The following GHRHR variants were observed in gnomAD, a reference collection of about 807,000 sequenced individuals.
GHRHR encodes growth hormone-releasing hormone receptor.
GHRHR carries 40 observed loss-of-function variants against 58.3 expected under a neutral mutation model. The observed-to-expected ratio is 0.69, with a 90% CI of 0.53 to 0.89. The LOEUF (loss-of-function observed/expected upper bound fraction) is 0.89, where lower values mean the gene tolerates loss of function less well. Among genes scored for constraint, GHRHR ranks in the 40% least tolerant of loss-of-function variants. The pLI is 0.00. For synonymous variants in GHRHR, 249 were observed against 216.6 expected, an observed-to-expected ratio of 1.15 and a Z score of -1.31; for missense variants, 551 against 541.3, an observed-to-expected ratio of 1.02 and a Z score of -0.18.
chr7:30,979,380 C>T lies in GHRHR; in HGVS notation c.*136C>T. The T allele has an allele frequency of 1.3e-6, 1 of 794,174 alleles. No individual in the cohort carries two copies. The highest frequency in any genetic ancestry group is 2.1e-6 in the Non-Finnish European group (1 of 475,754). 49.2% of individuals were successfully genotyped at this position (794,174 alleles called of 1,614,324 possible). A position where few individuals can be genotyped will look rare whatever the true frequency, so the allele number is the denominator to read the frequency against. ...CCCGGGGCAGGTGCAGCCCTTCCTC[C>T]CTGTCTCTGCATCTGACTCTCTTTT... On this transcript the variant is annotated 3_prime_UTR_variant, in exon 13 of 13. Transcript: ENST00000326139.
chr7:30,968,708 G>A, intron 1 of GHRHR, 126 bp from the exon 2 acceptor site: 1 of 557,594 alleles, frequency 1.8e-6, no homozygotes, highest in African/African-American at 2.0e-5. Flanking sequence ...ACTGTGAGCA[G>A]GTCTTTGCCT....
intron 6 of GHRHR, among the ~76,000 whole-genome samples, chr7:30,973,327 C>A (rs1792511981): frequency 6.6e-6 from 1 of 152,122 alleles, no homozygotes; most frequent in African/African-American, 2.4e-5. Context: ...CAGTTCACAC[C>A]TTTGTTGTTC....
chr7:30,969,478 C>A, intron 3 of GHRHR: 1 of 594,088 alleles, frequency 1.7e-6, no homozygotes, highest in East Asian at 2.8e-5. Flanking sequence ...GCCTGACTGC[C>A]AAGACACCAC....
In GHRHR at chr7:30,968,640, CCCTTCCTTCCTT is replaced by C. The variant is rs760999972; in HGVS notation, c.58-179_58-168del. Among the ~76,000 whole-genome samples the C allele has an allele frequency of 4.9e-5, 4 of 81,876 alleles. No individual in the cohort carries two copies. In the South Asian group the frequency reaches 1.5e-3, roughly 30 times the overall value. 53.7% of individuals were successfully genotyped at this position (81,876 alleles called of 152,430 possible). A position where few individuals can be genotyped will look rare whatever the true frequency, so the allele number is the denominator to read the frequency against. On this transcript the variant is annotated intron_variant, in intron 1 of 12. Transcript: ENST00000326139. ...TCCCTCCCTCCCTCCCTCCCTCCCT[CCCTTCCTTCCTT>C]CCTTCCTTCCTTCCATCTGAACATC... is the stretch of plus-strand genomic sequence containing the variant.
At chr7:30,974,162 C>A (rs771262179) in intron 7 of GHRHR, 24 bp downstream of exon 7, 4 of 1,610,924 alleles carry the variant, frequency 2.5e-6, no homozygotes, top group Non-Finnish European at 3.4e-6. Context: ...GCGGGTTGGG[C>A]ACCATGGGGA....
At chr7:30,966,029 G>T (rs1204697723) in intron 1 of GHRHR, among the ~76,000 whole-genome samples, 1 of 152,216 alleles carries the variant, frequency 6.6e-6, no homozygotes, top group East Asian at 1.9e-4. Context: ...GCACCCTGGG[G>T]CCTTGCAGGG....
Position 30,974,482 on chromosome 7 carries a change from G to A in GHRHR, c.805G>A (p.Asp269Asn), listed in dbSNP as rs529712059. Residue 269 changes from aspartate (D) to asparagine (N), a missense_variant, in exon 8 of 13, where the codon GAC becomes AAC. Physicochemically the swap from Asp to Asn is conservative, Grantham distance 23. Transcript: ENST00000326139. ...GGTGAGCTGCAAACTGGCCTTCGAG[G>A]ACATCGCGTGAGTCGGAGCGGCCAC... ...TWVSCKLAFE[D>N]IACWDLDDTS... 1 of 1,611,196 alleles carries A rather than the reference G, an allele frequency of 6.2e-7. No individual in the cohort carries two copies. Among genetic ancestry groups the A allele is most frequent in the African/African-American group, 1.3e-5 (1 of 74,986 alleles).
At chr7:30,973,248 A>C (rs1792511217) in intron 6 of GHRHR, among the ~76,000 whole-genome samples, 1 of 152,186 alleles carries the variant, frequency 6.6e-6, no homozygotes, top group Non-Finnish European at 1.5e-5. Context: ...GGGAGGAGGA[A>C]GAGAAGTTGA....
In GHRHR at chr7:30,979,152, C is replaced by G. The variant is rs1213484675; in HGVS notation, c.1180C>G (p.His394Asp). 6.2e-7 allele frequency: 1 copy of G among 1,613,720 alleles called. No homozygotes were observed. Among genetic ancestry groups the G allele is most frequent in the Non-Finnish European group, 8.5e-7 (1 of 1,179,594 alleles). The stretch of plus-strand genomic sequence containing the variant: ...TGAGATCTCACGGAAGTGGCATGGC[C>G]ATGACCCTGAGCTTCTGCCAGCCTG... ...RTEISRKWHGHDPELLPAWRT... is the reference protein window; with the variant it reads ...RTEISRKWHGDDPELLPAWRT... Residue 394 changes from histidine (H) to aspartate (D), a missense_variant, in exon 13 of 13, where the codon CAT becomes GAT. His to Asp is a moderately conservative substitution (Grantham distance 81). Transcript: ENST00000326139.
chr7:30,978,620 C>A (rs904566755), intron 12 of GHRHR, among the ~76,000 whole-genome samples: 13 of 152,186 alleles, frequency 8.5e-5, no homozygotes, highest in African/African-American at 2.9e-4. Context: ...CCCCACCCCC[C>A]AATCCCACCG....
chr7:30,969,437 C>A (rs59765668), intron 3 of GHRHR: 1 of 594,466 alleles, frequency 1.7e-6, no homozygotes, highest in Non-Finnish European at 3.0e-6. Context: ...TTAGCAGAAG[C>A]CTGGCTGCAA....
rs1021458389 is a variant in GHRHR, at chr7:30,979,484, G to C, written c.*240G>C. 12 of 491,668 alleles carry C rather than the reference G, an allele frequency of 2.4e-5. No homozygotes were observed. Among genetic ancestry groups the C allele is most frequent in the African/African-American group, 2.1e-4 (11 of 51,344 alleles). 30.5% of individuals were successfully genotyped at this position (491,668 alleles called of 1,614,324 possible). On this transcript the variant is annotated 3_prime_UTR_variant, in exon 13 of 13. Transcript: ENST00000326139. Reference sequence around the variant, plus strand: ...ATCCATTCCTCTTACTGGGGCCTGGGGCTCTAGCCCAAGGCTCAGAGGAGC... The same window carrying C: ...ATCCATTCCTCTTACTGGGGCCTGGCGCTCTAGCCCAAGGCTCAGAGGAGC...
chr7:30,964,003 C>G lies in GHRHR; in HGVS notation c.-66C>G. On this transcript the variant is annotated 5_prime_UTR_variant, in exon 1 of 13. Coordinates refer to ENST00000326139, the MANE Select transcript of GHRHR (RefSeq NM_000823.4). ...CGGTGGAAACGGCTGTGTCAGGGGA[C>G]AGCAGGGGAAGGAAGATAGCCAAGG... 1.4e-6 allele frequency: 2 copies of G among 1,410,774 alleles called. No homozygotes were observed. The highest frequency in any genetic ancestry group is 2.0e-6 in the Non-Finnish European group (2 of 1,020,552). The allele number at this position is 1,410,774 out of a possible 1,614,324, so 87.4% of individuals were successfully genotyped here. A position where few individuals can be genotyped will look rare whatever the true frequency, so the allele number is the denominator to read the frequency against.
intron 4 of GHRHR, 59 bp from the exon 5 acceptor site, chr7:30,971,060 C>G (rs531764913): frequency 9.0e-6 from 7 of 775,882 alleles, no homozygotes; most frequent in East Asian, 2.7e-5. Context: ...GATTGTCAAG[C>G]CTCTCTTTCC....
Position 30,968,918 on chromosome 7 carries a change from A to T in GHRHR, c.142A>T (p.Met48Leu), listed in dbSNP as rs1377930830. 6.2e-7 allele frequency: 1 copy of T among 1,612,660 alleles called. No individual in the cohort carries two copies. Among genetic ancestry groups the T allele is most frequent in the African/African-American group, 1.3e-5 (1 of 74,838 alleles). The change falls in exon 2 of 13, where the codon ATG becomes TTG. Residue 48 changes from methionine to leucine, a missense_variant. Coordinates refer to ENST00000326139, the MANE Select transcript of GHRHR (RefSeq NM_000823.4). ...ESACLQAAEE[M>L]PNTTLGCPAT... ...TGCCTGTCTACAAGCAGCAGAGGAGATGCCCAACACCACCCTGGGTATGGG... is the reference window on the plus strand; with the variant it reads ...TGCCTGTCTACAAGCAGCAGAGGAGTTGCCCAACACCACCCTGGGTATGGG...
rs1669702249 is a variant in GHRHR at position 30,969,976 on chromosome 7, C to T, written c.366+12C>T. ...TGCTGGCTGAGGAGGTAAGAGTCTT[C>T]TGGCATCTTGGAGGAAGGACTGCCA... On this transcript the variant is annotated intron_variant, in intron 4 of 12. Transcript: ENST00000326139. 9.4e-7 allele frequency: 1 copy of T among 1,069,290 alleles called. No individual in the cohort carries two copies. The highest frequency in any genetic ancestry group is 1.2e-5 in the South Asian group (1 of 80,456). 66.2% of individuals were successfully genotyped at this position (1,069,290 alleles called of 1,614,324 possible).
In GHRHR at chr7:30,979,208, C is replaced by G; in HGVS notation, c.1236C>G (p.Ser412=). Residue 412 remains serine (S), a synonymous_variant, in exon 13 of 13, where the codon TCC becomes TCG. Coordinates refer to ENST00000326139, the MANE Select transcript of GHRHR (RefSeq NM_000823.4). ...WRTRAKWTTP[S]RSAAKVLTSM... ...CCCGTGCTAAGTGGACCACGCCTTCCCGCTCGGCGGCAAAGGTGCTGACAT... is the reference window on the plus strand; with the variant it reads ...CCCGTGCTAAGTGGACCACGCCTTCGCGCTCGGCGGCAAAGGTGCTGACAT... 1 of 1,614,074 alleles carries G rather than the reference C, an allele frequency of 6.2e-7. No homozygotes were observed. The highest frequency in any genetic ancestry group is 8.5e-7 in the Non-Finnish European group (1 of 1,179,900).
At chr7:30,967,771 C>T (rs1000936639) in intron 1 of GHRHR, among the ~76,000 whole-genome samples, 9 of 152,090 alleles carry the variant, frequency 5.9e-5, no homozygotes, top group Non-Finnish European at 1.2e-4. Context: ...CATCCATGTG[C>T]TCATTCATTC....
At chr7:30,970,219 G>T (rs1392108085) in intron 4 of GHRHR, among the ~76,000 whole-genome samples, 3 of 152,174 alleles carry the variant, frequency 2.0e-5, no homozygotes, top group Non-Finnish European at 4.4e-5. Context: ...CTGCTGTCTT[G>T]GTTCTGTGTC....
Sources: gnomAD v4.1 joint callset for allele counts (sites outside exome capture counted in the v4.1 genomes callset) on GRCh38, gnomAD v4.1.1 for gene constraint, MANE v1.5 for transcripts, NCBI Gene and HGNC (gene_info 2026-07-23, HGNC 2026-07-21) for gene names.